The following SH3RF2 variants were observed in gnomAD, a reference collection of about 807,000 sequenced individuals.
The protein encoded by SH3RF2 is E3 ubiquitin-protein ligase SH3RF2.
SH3RF2 carries 43 observed loss-of-function variants against 59.0 expected under a neutral mutation model. The ratio of observed to expected loss-of-function variants is 0.73; its 90% confidence interval spans 0.57 to 0.94. The LOEUF is 0.94. Ranked by LOEUF, SH3RF2 falls within the 40% of genes least tolerant of loss-of-function variation. The probability of loss-of-function intolerance (pLI) is 0.00; values close to 1 mark genes in which losing one functional copy is unlikely to be tolerated. For synonymous variants in SH3RF2, 391 were observed against 391.5 expected (o/e 1.00, Z 0.01); for missense variants, 930 against 940.1 (o/e 0.99, Z 0.14).
rs769738746 is a variant in SH3RF2 at position 146,056,010 on chromosome 5, G to A, written c.1352G>A (p.Ser451Asn). The change falls in exon 8 of 10, where the codon AGC becomes AAC. Residue 451 changes from serine (S) to asparagine (N), a missense_variant. Physicochemically the swap from Ser to Asn is conservative, Grantham distance 46. Transcript: ENST00000359120. ...RKTSSFPDSR[S>N]PGLYTTWTLS... The stretch of plus-strand genomic sequence containing the variant: ...ACCTCTAGTTTTCCAGACTCCCGGA[G>A]CCCTGGTCTCTACACCACATGGACG... 3.1e-6 allele frequency: 5 copies of A among 1,613,968 alleles called. No individual in the cohort carries two copies. The Admixed American group carries it at 8.3e-5, about 27-fold the overall frequency.
intron 5 of SH3RF2, among the ~76,000 whole-genome samples, chr5:146,033,728 C>T (rs1761827115): frequency 6.6e-6 from 1 of 152,040 alleles, no homozygotes; most frequent in African/African-American, 2.4e-5. Context: ...CCTCAGCCTC[C>T]CAAAGTGCTG....
downstream of SH3RF2, chr5:146,063,341 C>T (rs1580946153): frequency 6.6e-6 from 1 of 152,408 alleles, no homozygotes; most frequent in African/African-American, 2.4e-5. Flanking sequence ...TCACTGAGTA[C>T]CAAATATCAA....
At chr5:145,968,864 G>T (rs2149960157) in intron 2 of SH3RF2, among the ~76,000 whole-genome samples, 1 of 152,286 alleles carries the variant, frequency 6.6e-6, no homozygotes, top group South Asian at 2.1e-4. Flanking sequence ...ATGGACACAG[G>T]TTGTCTTCAC....
At chr5:145,980,048 A>G (rs1312378597) in intron 2 of SH3RF2, among the ~76,000 whole-genome samples, 1 of 152,198 alleles carries the variant, frequency 6.6e-6, no homozygotes, top group Non-Finnish European at 1.5e-5. Flanking sequence ...TTATCATAAG[A>G]TAAATAAACT....
At chr5:145,998,803 C>T (rs551446015) in intron 2 of SH3RF2, among the ~76,000 whole-genome samples, 3 of 152,048 alleles carry the variant, frequency 2.0e-5, no homozygotes, top group Non-Finnish European at 2.9e-5. Flanking sequence ...CCCAGCTAGT[C>T]GGGAGGCTGA....
At chr5:145,959,322 T>A (rs1309720381) in intron 2 of SH3RF2, among the ~76,000 whole-genome samples, 1 of 152,312 alleles carries the variant, frequency 6.6e-6, no homozygotes, top group South Asian at 2.1e-4. Flanking sequence ...AATATTAATT[T>A]GCTTTCATCT....
intron 6 of SH3RF2, 146 bp downstream of exon 6, chr5:146,048,009 A>G: frequency 3.9e-6 from 3 of 773,264 alleles, no homozygotes; most frequent in Non-Finnish European, 6.2e-6. Flanking sequence ...CAAGTGAAAT[A>G]ATGGTGAAAA....
intron 2 of SH3RF2, among the ~76,000 whole-genome samples, chr5:145,983,764 A>G (rs1428143929): frequency 6.6e-6 from 1 of 152,220 alleles, no homozygotes; most frequent in Non-Finnish European, 1.5e-5. Flanking sequence ...CTCAGTACAG[A>G]GGGCATGTTG....
chr5:145,975,050 A>G (rs6874121), intron 2 of SH3RF2, among the ~76,000 whole-genome samples: 12,933 of 152,184 alleles, frequency 0.085, 1,870 homozygotes, highest in African/African-American at 0.29. Context: ...CAGCCAAGCT[A>G]TGTCCAGAAC....
In SH3RF2 at chr5:146,014,023, A is replaced by G. The variant is rs367860112; in HGVS notation, c.1021A>G (p.Met341Val). The G allele has an allele frequency of 2.5e-6, 4 of 1,613,992 alleles. No individual in the cohort carries two copies. The highest frequency in any genetic ancestry group is 1.3e-5 in the African/African-American group (1 of 74,920). Reference protein sequence around the residue: ...SSNPSVITQPMEKADVPSSCV... With the variant: ...SSNPSVITQPVEKADVPSSCV... ...CAACCCCTCTGTGATCACCCAGCCC[A>G]TGGAGAAAGCAGACGTTCCTTCCAG... The change falls in exon 5 of 10, where the codon ATG (methionine) becomes GTG (valine). Residue 341 changes from methionine (M) to valine (V), a missense_variant. Transcript: ENST00000359120.
Position 146,013,759 on chromosome 5 carries a change from G to A in SH3RF2, c.757G>A (p.Ala253Thr), listed in dbSNP as rs139747301. ...PILFVEPNLT[A>T]RHLLEKNKGR... The stretch of plus-strand genomic sequence containing the variant: ...TTTGTCTTTTCAGCCAAACCTCACC[G>A]CAAGACACCTTTTAGAGAAGAACAA... The change falls in exon 5 of 10, where the codon GCA (alanine) becomes ACA (threonine). Residue 253 changes from alanine (A) to threonine (T), a missense_variant. By Grantham distance (58) the Ala-to-Thr change is moderately conservative (BLOSUM62 0). Transcript: ENST00000359120. The A allele has an allele frequency of 3.7e-5, 59 of 1,613,868 alleles. No homozygotes were observed. The highest frequency in any genetic ancestry group is 3.0e-4 in the Admixed American group (18 of 59,954).
chr5:146,053,595 G>A (rs1307968367), intron 7 of SH3RF2, among the ~76,000 whole-genome samples: 1 of 152,158 alleles, frequency 6.6e-6, no homozygotes, highest in African/African-American at 2.4e-5. Flanking sequence ...ACCACTCGAT[G>A]TGAGAACACC....
At chr5:146,045,282 G>A (rs1461885410) in intron 5 of SH3RF2, among the ~76,000 whole-genome samples, 2 of 152,208 alleles carry the variant, frequency 1.3e-5, no homozygotes, top group Non-Finnish European at 2.9e-5. Context: ...GAGTTCCTCA[G>A]GAGGGTGATT....
Position 146,049,183 on chromosome 5 carries a change from C to A in SH3RF2, c.1260C>A (p.Gly420=). The change falls in exon 7 of 10, where the codon GGC becomes GGA. Residue 420 remains glycine, a synonymous_variant. Transcript: ENST00000359120. Reference sequence around the variant, plus strand: ...AGTGCCAGGACGGCTGGCTCAGGGGCGTCTCCTTGGTCACCGGGCGAGTCG... The same window carrying A: ...AGTGCCAGGACGGCTGGCTCAGGGGAGTCTCCTTGGTCACCGGGCGAGTCG... The part of the protein sequence containing the change: ...LGKCQDGWLR[G]VSLVTGRVGI... The A allele has an allele frequency of 6.2e-7, 1 of 1,614,032 alleles. No homozygotes were observed. Among genetic ancestry groups the A allele is most frequent in the Non-Finnish European group, 8.5e-7 (1 of 1,179,990 alleles).
At chr5:145,955,822 A>G (rs769468481) in intron 2 of SH3RF2, among the ~76,000 whole-genome samples, 5 of 152,212 alleles carry the variant, frequency 3.3e-5, no homozygotes, top group Non-Finnish European at 7.3e-5. Context: ...TGATCATATC[A>G]TATAGTCTAA....
intron 3 of SH3RF2, among the ~76,000 whole-genome samples, chr5:146,003,485 GA>G (rs1333138140): frequency 1.3e-5 from 2 of 152,214 alleles, no homozygotes; most frequent in Non-Finnish European, 2.9e-5. Flanking sequence ...AAAGAATCTG[GA>G]AAAAATGTGT....
intron 2 of SH3RF2, among the ~76,000 whole-genome samples, chr5:145,954,535 G>T (rs1758318623): frequency 1.3e-5 from 2 of 152,172 alleles, no homozygotes; most frequent in Non-Finnish European, 2.9e-5. Flanking sequence ...TTCCTTTGCA[G>T]TGCAGAAGCT....
intron 5 of SH3RF2, among the ~76,000 whole-genome samples, chr5:146,040,116 G>A (rs571890911): frequency 6.6e-6 from 1 of 152,320 alleles, no homozygotes; most frequent in African/African-American, 2.4e-5. Flanking sequence ...CAGCATTGTA[G>A]CTACCTCTGG....
intron 5 of SH3RF2, 36 bp from the exon 6 acceptor site, chr5:146,047,736 A>G: frequency 6.2e-7 from 1 of 1,604,686 alleles, no homozygotes; most frequent in South Asian, 1.1e-5. Context: ...TGTGGCATTC[A>G]TTGGTTCTGC....
Sources: gnomAD v4.1 joint callset for allele counts (sites outside exome capture counted in the v4.1 genomes callset) on GRCh38, gnomAD v4.1.1 for gene constraint, MANE v1.5 for transcripts, NCBI Gene and HGNC (gene_info 2026-07-23, HGNC 2026-07-21) for gene names.